The following PDXDC1 variants were observed in gnomAD, a reference collection of about 807,000 sequenced individuals.
PDXDC1 encodes the protein pyridoxal dependent decarboxylase domain containing 1, also known as pyridoxal-dependent decarboxylase domain-containing protein 1.
PDXDC1 carries 42 observed loss-of-function variants against 100.1 expected under a neutral mutation model. The observed-to-expected ratio is 0.42, with a 90% CI of 0.33 to 0.54. The LOEUF (loss-of-function observed/expected upper bound fraction) is 0.54, where lower values mean the gene tolerates loss of function less well. Among genes scored for constraint, PDXDC1 ranks in the 20% least tolerant of loss-of-function variants. PDXDC1 has a pLI of 0.10. For missense variants in PDXDC1, 636 were observed against 979.2 expected (o/e 0.65, Z 4.68); for synonymous variants, 260 against 371.7 (o/e 0.70, Z 3.46).
intron 8 of PDXDC1, among the ~76,000 whole-genome samples, chr16:15,010,923 TGA>T (rs2041207474): frequency 1.3e-5 from 2 of 152,406 alleles, no homozygotes; most frequent in Admixed American, 1.3e-4. Context: ...AGAATGTTAC[TGA>T]GAGAAATTCA....
intron 16 of PDXDC1, among the ~76,000 whole-genome samples, chr16:15,100,565 G>A (rs1259666859): frequency 1.3e-5 from 2 of 152,074 alleles, no homozygotes; most frequent in East Asian, 1.9e-4. Flanking sequence ...CAGCATCCCT[G>A]GCCTCTACCC....
In PDXDC1 at chr16:15,075,612, A is replaced by G. The variant is rs2151788670; in HGVS notation, c.1399+45556A>G. Among the ~76,000 whole-genome samples, 2 of 152,012 alleles carry G rather than the reference A, an allele frequency of 1.3e-5. 1 individual carries two copies. The highest frequency in any genetic ancestry group is 4.2e-4 in the South Asian group (2 of 4,804). ...AGAAAAGAAAGAAAGAAATGCAGAC[A>G]CCTTTCCAGGCAGGGGTCTCATTCA... On this transcript the variant is annotated intron_variant, in intron 16 of 16. Transcript: ENST00000535621.
At chr16:15,051,484 C>T (rs1172601460) in intron 16 of PDXDC1, among the ~76,000 whole-genome samples, 2 of 150,612 alleles carry the variant, frequency 1.3e-5, no homozygotes, top group Non-Finnish European at 3.0e-5. Context: ...GAGCTGGGAA[C>T]TACAGGCATG....
intron 8 of PDXDC1, among the ~76,000 whole-genome samples, chr16:15,010,963 A>G (rs2054248593): frequency 6.6e-6 from 1 of 152,298 alleles, no homozygotes; most frequent in South Asian, 2.1e-4. Context: ...TATGCCATAC[A>G]CACGGGTTGG....
chr16:14,988,004 T>C (rs1969800202), intron 1 of PDXDC1, among the ~76,000 whole-genome samples: 1 of 152,190 alleles, frequency 6.6e-6, no homozygotes, highest in South Asian at 2.1e-4. Flanking sequence ...TTTTTTTTTT[T>C]TTTTTTTGCC....
intron 16 of PDXDC1, among the ~76,000 whole-genome samples, chr16:15,077,909 G>C (rs924945435): frequency 6.6e-6 from 1 of 152,142 alleles, no homozygotes; most frequent in African/African-American, 2.4e-5. Context: ...GTGTGAAAAT[G>C]GACTAATACA....
intron 16 of PDXDC1, among the ~76,000 whole-genome samples, chr16:15,093,222 T>TCCAACTC (rs2046211067): frequency 6.6e-6 from 1 of 152,202 alleles, no homozygotes; most frequent in African/African-American, 2.4e-5. Flanking sequence ...CAGGCTGGTC[T>TCCAACTC]CCAACTCCTG....
chr16:15,018,090 A>AT (rs377561197), intron 11 of PDXDC1, among the ~76,000 whole-genome samples: 38,600 of 141,632 alleles, frequency 0.27, 3,054 homozygotes, highest in East Asian at 0.46. Context: ...ACCTGGCCAC[A>AT]TTTTTTTTTT....
intron 16 of PDXDC1, chr16:15,104,415 T>G: frequency 3.5e-6 from 5 of 1,447,164 alleles, no homozygotes; most frequent in East Asian, 2.7e-5. Context: ...GGAGGTGTCT[T>G]GAGATTATCA....
intron 3 of PDXDC1, among the ~76,000 whole-genome samples, chr16:14,998,800 T>G (rs1282854793): frequency 6.6e-6 from 1 of 152,404 alleles, no homozygotes; most frequent in South Asian, 2.1e-4. Context: ...ATTTATGGTT[T>G]TAGTTTTAAT....
chr16:15,038,297 A>G lies in PDXDC1; in HGVS notation c.*2022A>G. On this transcript the variant is annotated 3_prime_UTR_variant, in exon 23 of 23. Transcript: ENST00000396410. Reference sequence around the variant, plus strand: ...GATGTCAAAGTATCTTTGTTCTTGGACACAAATATATATAATAAAATACGT... The same window carrying G: ...GATGTCAAAGTATCTTTGTTCTTGGGCACAAATATATATAATAAAATACGT... 2 of 930,824 alleles carry G rather than the reference A, an allele frequency of 2.1e-6. No homozygotes were observed. The highest frequency in any genetic ancestry group is 3.3e-5 in the South Asian group (2 of 59,836). The allele number at this position is 930,824 out of a possible 1,614,324, so 57.7% of individuals were successfully genotyped here. A position where few individuals can be genotyped will look rare whatever the true frequency, so the allele number is the denominator to read the frequency against.
At chr16:14,987,985 T>C (rs1284801848) in intron 1 of PDXDC1, among the ~76,000 whole-genome samples, 1 of 146,460 alleles carries the variant, frequency 6.8e-6, no homozygotes, top group Non-Finnish European at 1.5e-5. Context: ...TACATCTTTA[T>C]ACAATTCTTT....
intron 19 of PDXDC1, 42 bp from the exon 20 acceptor site, chr16:15,034,244 G>A (rs2043254881): frequency 4.4e-6 from 7 of 1,576,718 alleles, no homozygotes; most frequent in African/African-American, 1.3e-5. Flanking sequence ...GGCCCCAGGT[G>A]AGAACCTTAA....
the PDXDC1 span, among the ~76,000 whole-genome samples, chr16:15,145,049 C>G: frequency 6.6e-6 from 1 of 152,180 alleles, no homozygotes; most frequent in Non-Finnish European, 1.5e-5. Flanking sequence ...CTGCACTGAC[C>G]TTATGCTCCT....
chr16:15,010,903 T>C (rs187651032), intron 8 of PDXDC1, among the ~76,000 whole-genome samples: 1 of 152,410 alleles, frequency 6.6e-6, no homozygotes, highest in Admixed American at 6.5e-5. Context: ...GATCTGTACA[T>C]TGAGAACTAA....
chr16:14,976,744 A>G (rs1260307863), intron 1 of PDXDC1: 1 of 152,352 alleles, frequency 6.6e-6, no homozygotes, highest in Non-Finnish European at 1.5e-5. Context: ...GGACGCCTCT[A>G]AACATCCTAC....
intron 16 of PDXDC1, chr16:15,135,327 G>A (rs2048297882): frequency 6.5e-7 from 1 of 1,536,074 alleles, no homozygotes; most frequent in South Asian, 1.2e-5. Context: ...CACACGGTGA[G>A]GCTGAAGGTG....
At chr16:15,146,075 G>A in the PDXDC1 span, among the ~76,000 whole-genome samples, 1 of 152,282 alleles carries the variant, frequency 6.6e-6, no homozygotes. Context: ...GGAGGGGCTT[G>A]CAGATGCGGG....
At chr16:15,054,441 G>C (rs80140327) in intron 16 of PDXDC1, among the ~76,000 whole-genome samples, 1 of 152,332 alleles carries the variant, frequency 6.6e-6, no homozygotes, top group East Asian at 1.9e-4. Context: ...AGACATAAAA[G>C]TAGAGCATCC....
Sources: gnomAD v4.1 joint callset for allele counts (sites outside exome capture counted in the v4.1 genomes callset) on GRCh38, gnomAD v4.1.1 for gene constraint, MANE v1.5 for transcripts, NCBI Gene and HGNC (gene_info 2026-07-23, HGNC 2026-07-21) for gene names.